Variants in TULP4 observed in about 807,000 individuals in gnomAD.
TULP4 encodes the protein tubby-related protein 4.
A neutral mutation model predicts 129.0 loss-of-function variants in TULP4; 16 were observed. The observed-to-expected ratio is 0.12, with a 90% confidence interval of 0.08 to 0.19. TULP4 has a LOEUF of 0.19. TULP4 is among the 10% of genes least tolerant of loss of function. TULP4 has a pLI of 1.00. For synonymous variants in TULP4, 998 were observed against 854.0 expected (o/e 1.17, Z -2.94); for missense variants, 1,842 against 2,059.1 (o/e 0.89, Z 2.04).
chr6:158,470,055 G>A (rs112560140), intron 6 of TULP4, among the ~76,000 whole-genome samples: 2,881 of 152,262 alleles, frequency 0.019, 97 homozygotes, highest in African/African-American at 0.065. Flanking sequence ...CGTGGGTCAC[G>A]GAAGAGAACC....
Position 158,480,056 on chromosome 6 carries a change from G to A in TULP4, c.1251+81G>A, listed in dbSNP as rs1398647642. 83 of 1,159,886 alleles carry A rather than the reference G, an allele frequency of 7.2e-5. 1 individual carries two copies. The Admixed American group carries it at 1.5e-3, about 22-fold the overall frequency. 71.8% of individuals were successfully genotyped at this position (1,159,886 alleles called of 1,614,324 possible). A position where few individuals can be genotyped will look rare whatever the true frequency, so the allele number is the denominator to read the frequency against. On this transcript the variant is annotated intron_variant, in intron 7 of 13. Transcript: ENST00000367097. ...AGAGCCAGGGCAGAGACAGGTGAGG[G>A]TACCAGAGTGAGCACATGGGGCCAT...
chr6:158,452,008 C>G, intron 4 of TULP4, 126 bp from the exon 5 acceptor site: 3 of 1,393,928 alleles, frequency 2.2e-6, no homozygotes, highest in Middle Eastern at 1.8e-4. Context: ...CAGGTAGCAT[C>G]CCAATCCAGA....
intron 5 of TULP4, 51 bp from the exon 6 acceptor site, chr6:158,461,512 C>T (rs569502454): frequency 4.5e-6 from 7 of 1,564,054 alleles, no homozygotes; most frequent in Middle Eastern, 4.4e-4. Context: ...TGCTGAGTGG[C>T]AGTTTGAGGA....
At chr6:158,485,697 G>C (rs2128252674) in intron 8 of TULP4, among the ~76,000 whole-genome samples, 1 of 152,368 alleles carries the variant, frequency 6.6e-6, no homozygotes, top group East Asian at 1.9e-4. Flanking sequence ...GAGTTAGGAG[G>C]GTGATGCTGA....
At chr6:158,436,205 C>T (rs1778749215) in intron 3 of TULP4, among the ~76,000 whole-genome samples, 1 of 152,330 alleles carries the variant, frequency 6.6e-6, no homozygotes, top group South Asian at 2.1e-4. Context: ...CCATGCCCAG[C>T]CTGGACTCTC....
At chr6:158,295,380 A>G (rs2128472482) in intron 1 of TULP4, among the ~76,000 whole-genome samples, 1 of 151,932 alleles carries the variant, frequency 6.6e-6, no homozygotes, top group East Asian at 1.9e-4. Context: ...TTCCTTACTA[A>G]TTTTTCTAAA....
intron 1 of TULP4, among the ~76,000 whole-genome samples, chr6:158,248,163 C>T (rs960708942): frequency 5.3e-5 from 8 of 152,108 alleles, no homozygotes; most frequent in East Asian, 1.9e-4. Context: ...GATGCCTGGC[C>T]GTGCATGGTG....
Position 158,503,855 on chromosome 6 carries a change from A to G in TULP4, c.4192A>G (p.Lys1398Glu). Reference protein sequence around the residue: ...KDQLKSKKLNKTNEFQDSSES... With the variant: ...KDQLKSKKLNETNEFQDSSES... ...CCAACTGAAGTCAAAGAAGTTGAAT[A>G]AGACAAACGAGTTCCAGGACAGCTC... Residue 1398 changes from lysine (K) to glutamate (E), a missense_variant, in exon 13 of 14, where the codon AAG (lysine) becomes GAG (glutamate). By Grantham distance (56) the Lys-to-Glu change is moderately conservative. Coordinates refer to ENST00000367097, the MANE Select transcript of TULP4 (RefSeq NM_020245.5). This position sits in a 1 kb window ranked among gnomAD's most constrained non-coding sequence, Gnocchi z 4.3. The G allele has an allele frequency of 6.2e-7, 1 of 1,614,100 alleles. No homozygotes were observed. Among genetic ancestry groups the G allele is most frequent in the Non-Finnish European group, 8.5e-7 (1 of 1,180,036 alleles).
At chr6:158,412,869 C>A (rs1778127701) in intron 1 of TULP4, among the ~76,000 whole-genome samples, 196 bp from the exon 2 acceptor site, 1 of 152,270 alleles carries the variant, frequency 6.6e-6, no homozygotes, top group Middle Eastern at 3.4e-3. Context: ...TGTTAGGAAG[C>A]CGTGTCAGTG....
chr6:158,437,246 A>G (rs1441071908), intron 3 of TULP4, among the ~76,000 whole-genome samples: 4 of 152,236 alleles, frequency 2.6e-5, no homozygotes, highest in African/African-American at 7.2e-5. Flanking sequence ...AGAATTTTTA[A>G]TTCATTTATT....
chr6:158,311,378 G>GGAT (rs1294211204), upstream of TULP4, among the ~76,000 whole-genome samples: 1 of 152,166 alleles, frequency 6.6e-6, no homozygotes. Flanking sequence ...AGGGCAGGGA[G>GGAT]GATGAGTAAG....
At chr6:158,403,626 C>T (rs953133354) in intron 1 of TULP4, among the ~76,000 whole-genome samples, 3 of 152,132 alleles carry the variant, frequency 2.0e-5, no homozygotes, top group African/African-American at 7.2e-5. Context: ...TGTTTCCGCC[C>T]GGTTTTGAAC....
upstream of TULP4, among the ~76,000 whole-genome samples, chr6:158,308,497 G>A (rs1163157605): frequency 3.3e-5 from 5 of 151,898 alleles, no homozygotes; most frequent in South Asian, 2.1e-4. Flanking sequence ...ATCATGGCCC[G>A]TTCTCAATGA....
intron 1 of TULP4, among the ~76,000 whole-genome samples, chr6:158,378,163 C>A (rs931488224): frequency 2.6e-5 from 4 of 152,148 alleles, no homozygotes; most frequent in Admixed American, 6.5e-5. Context: ...AGGCTTGGAA[C>A]TGGCACATCC....
intron 8 of TULP4, among the ~76,000 whole-genome samples, chr6:158,486,627 A>G (rs1780077158): frequency 6.6e-6 from 1 of 152,164 alleles, no homozygotes; most frequent in African/African-American, 2.4e-5. Context: ...CCAGGAAGAC[A>G]GCGTTCCCCA....
chr6:158,344,171 C>A (rs533734341), intron 1 of TULP4, among the ~76,000 whole-genome samples: 1 of 152,312 alleles, frequency 6.6e-6, no homozygotes, highest in Admixed American at 6.5e-5. Context: ...CCCCTGCCCG[C>A]AAAACATTGC....
chr6:158,391,714 A>G (rs568156739), intron 1 of TULP4, among the ~76,000 whole-genome samples: 3 of 152,338 alleles, frequency 2.0e-5, no homozygotes, highest in South Asian at 4.1e-4. Flanking sequence ...TTACTGCTGT[A>G]TTTGAAGACA....
chr6:158,334,250 A>G (rs1779981949), intron 1 of TULP4, among the ~76,000 whole-genome samples: 1 of 152,216 alleles, frequency 6.6e-6, no homozygotes, highest in African/African-American at 2.4e-5. Context: ...ATTACAAGAA[A>G]AAGTTGAATT....
At chr6:158,251,404 C>G (rs1437095375) in intron 1 of TULP4, among the ~76,000 whole-genome samples, 1 of 152,154 alleles carries the variant, frequency 6.6e-6, no homozygotes, top group Non-Finnish European at 1.5e-5. Flanking sequence ...GCTTCTGCCT[C>G]TTAATTCTTA....
Sources: allele counts gnomAD v4.1 joint callset (sites outside exome capture counted in the v4.1 genomes callset), GRCh38; gene constraint gnomAD v4.1.1; non-coding constraint Gnocchi (gnomAD v3.1); transcripts MANE v1.5; gene names NCBI Gene and HGNC (gene_info 2026-07-23, HGNC 2026-07-21).